The following GDPD4 variants were observed in gnomAD, a reference collection of about 807,000 sequenced individuals.
GDPD4 encodes glycerophosphodiester phosphodiesterase 6.
Under a neutral mutation model 67.8 loss-of-function variants are expected in GDPD4, and 60 were observed. The ratio of observed to expected loss-of-function variants is 0.88; its 90% CI spans 0.72 to 1.10. The LOEUF is 1.10. Among genes scored for constraint, GDPD4 ranks in the 50% least tolerant of loss-of-function variants. The pLI is 0.00. For synonymous variants in GDPD4, 212 were observed against 210.9 expected, an observed-to-expected ratio of 1.00 and a Z score of -0.04; for missense variants, 623 against 613.9, an observed-to-expected ratio of 1.01 and a Z score of -0.16.
At chr11:77,252,053 TGTTTTTTTTTTG>T (rs1958911613) in intron 11 of GDPD4, among the ~76,000 whole-genome samples, 1 of 135,730 alleles carries the variant, frequency 7.4e-6, no homozygotes, top group Non-Finnish European at 1.5e-5. Flanking sequence ...TTTGTTTGTT[TGTTTTTTTTTTG>T]TTTTTTTTTT....
intron 5 of GDPD4, 29 bp from the exon 6 acceptor site, chr11:77,271,422 C>T (rs1959223811): frequency 1.5e-6 from 2 of 1,360,670 alleles, no homozygotes; most frequent in African/African-American, 1.4e-5. Context: ...AATCTCCTGA[C>T]TTCAAGCACT....
intron 5 of GDPD4, among the ~76,000 whole-genome samples, chr11:77,273,062 T>C (rs1464904222): frequency 1.3e-5 from 2 of 152,166 alleles, no homozygotes; most frequent in African/African-American, 2.4e-5. Flanking sequence ...CCAACCTAAA[T>C]ATATCTAGGT....
At chr11:77,292,121 CA>C (rs3051013) in intron 1 of GDPD4, among the ~76,000 whole-genome samples, 31 of 149,274 alleles carry the variant, frequency 2.1e-4, no homozygotes, top group South Asian at 1.5e-3. Context: ...TGCAAAATGA[CA>C]AAAAAAAACC....
chr11:77,228,841 T>C (rs1958398097), intron 15 of GDPD4, among the ~76,000 whole-genome samples: 1 of 152,224 alleles, frequency 6.6e-6, no homozygotes, highest in African/African-American at 2.4e-5. Flanking sequence ...TCATGGAAGA[T>C]GGGAAGGTGG....
chr11:77,301,480 C>A (rs937441443), intron 1 of GDPD4, 125 bp downstream of exon 1: 2 of 152,194 alleles, frequency 1.3e-5, no homozygotes, highest in Non-Finnish European at 2.9e-5. Context: ...ACACAAACGA[C>A]CCGACAGAGT....
At chr11:77,244,545 A>G (rs1958742488) in intron 12 of GDPD4, among the ~76,000 whole-genome samples, 1 of 152,174 alleles carries the variant, frequency 6.6e-6, no homozygotes, top group Admixed American at 6.5e-5. Flanking sequence ...TGATGTTAAA[A>G]ATCATCTTTG....
At chr11:77,225,506 C>T (rs768427942) in intron 16 of GDPD4, among the ~76,000 whole-genome samples, 2 of 152,160 alleles carry the variant, frequency 1.3e-5, no homozygotes, top group Non-Finnish European at 2.9e-5. Context: ...CTCTCTCTCC[C>T]TCTCACATGC....
intron 11 of GDPD4, among the ~76,000 whole-genome samples, chr11:77,248,890 T>TTA (rs1491076253): frequency 6.4e-5 from 1 of 15,726 alleles, no homozygotes; most frequent in East Asian, 1.4e-3. Flanking sequence ...CCCGGCTAAT[T>TTA]TTTTTTTTTT....
chr11:77,255,994 T>A (rs1958997273), intron 11 of GDPD4, among the ~76,000 whole-genome samples: 3 of 152,230 alleles, frequency 2.0e-5, no homozygotes, highest in Admixed American at 1.3e-4. Context: ...GGTTCCCACA[T>A]GGTAGCTAAC....
In GDPD4 at chr11:77,269,911, C is replaced by T; in HGVS notation, c.450G>A (p.Lys150=). The T allele has an allele frequency of 6.3e-7, 1 of 1,589,724 alleles. No homozygotes were observed. The highest frequency in any genetic ancestry group is 1.3e-5 in the African/African-American group (1 of 74,324). Residue 150 remains lysine (K), a synonymous_variant, in exon 8 of 17, where the codon AAG becomes AAA. Coordinates refer to ENST00000315938, the MANE Select transcript of GDPD4 (RefSeq NM_182833.3). ...RMTHSEKKRL[K]QCNVITRLRG... ...TTAACCTTGTGATTACATTACATTG[C>T]TTGAGTCTTTTTTTCTCAGAATGTG...
chr11:77,260,880 A>C (rs1299368673), intron 10 of GDPD4, among the ~76,000 whole-genome samples: 1 of 152,244 alleles, frequency 6.6e-6, no homozygotes, highest in Admixed American at 6.5e-5. Flanking sequence ...AAGAAGACTG[A>C]AACAAAAAAG....
At chr11:77,220,925 G>A (rs1958212301) in intron 16 of GDPD4, among the ~76,000 whole-genome samples, 1 of 152,050 alleles carries the variant, frequency 6.6e-6, no homozygotes, top group African/African-American at 2.4e-5. Flanking sequence ...CTGAATTCGG[G>A]TGGGTAACCC....
rs267603201 is a variant in GDPD4 at position 77,229,203 on chromosome 11, G to A, written c.1419C>T (p.Leu473=). The change falls in exon 15 of 17, where the codon CTC becomes CTT. Residue 473 remains leucine, a synonymous_variant. Coordinates refer to ENST00000315938, the MANE Select transcript of GDPD4 (RefSeq NM_182833.3). Reference sequence around the variant, plus strand: ...AAAGCACAGAAATGATATCTGCAAGGAGCCACATGAACACATAGAACTTTG... The same window carrying A: ...AAAGCACAGAAATGATATCTGCAAGAAGCCACATGAACACATAGAACTTTG... ...MTPKFYVFMW[L]LADIISVLFI... 1 of 1,609,424 alleles carries A rather than the reference G, an allele frequency of 6.2e-7. No homozygotes were observed. Among genetic ancestry groups the A allele is most frequent in the Non-Finnish European group, 8.5e-7 (1 of 1,177,114 alleles).
At chr11:77,284,592 G>T (rs1005456188) in intron 3 of GDPD4, among the ~76,000 whole-genome samples, 2 of 152,190 alleles carry the variant, frequency 1.3e-5, no homozygotes, top group African/African-American at 4.8e-5. Context: ...ACATTCCAGA[G>T]TAGGAGTTTA....
intron 10 of GDPD4, among the ~76,000 whole-genome samples, chr11:77,263,437 G>GA (rs1159657664): frequency 1.3e-5 from 2 of 151,204 alleles, no homozygotes; most frequent in Non-Finnish European, 3.0e-5. Context: ...CACAACGACT[G>GA]AAAAAAAAGA....
chr11:77,274,859 G>A lies in GDPD4; in HGVS notation c.207+1302C>T, dbSNP rs180936815. ...AAAAAGTTGATCTCATGGAAGTAGAGAATAGAGTGATAGTTACCAAGGGCT... is the reference window on the plus strand; with the variant it reads ...AAAAAGTTGATCTCATGGAAGTAGAAAATAGAGTGATAGTTACCAAGGGCT... On this transcript the variant is annotated intron_variant, in intron 5 of 16. Transcript: ENST00000315938. Among the ~76,000 whole-genome samples, 926 of 152,262 alleles carry A rather than the reference G, an allele frequency of 6.1e-3. 12 individuals are homozygous for A. Among genetic ancestry groups the A allele is most frequent in the African/African-American group, 0.021 (891 of 41,544 alleles).
intron 1 of GDPD4, among the ~76,000 whole-genome samples, chr11:77,296,468 G>T (rs947535176): frequency 1.3e-5 from 2 of 150,506 alleles, no homozygotes; most frequent in South Asian, 4.2e-4. Context: ...TTACAAGCAC[G>T]CACCACTATG....
At chr11:77,268,615 G>T in intron 9 of GDPD4, 76 bp from the exon 10 acceptor site, 2 of 1,170,528 alleles carry the variant, frequency 1.7e-6, no homozygotes, top group Non-Finnish European at 2.6e-6. Context: ...TAGGGGTAGA[G>T]CCCAGTAGGA....
At chr11:77,232,443 T>C (rs918386424) in intron 14 of GDPD4, among the ~76,000 whole-genome samples, 1 of 152,234 alleles carries the variant, frequency 6.6e-6, no homozygotes, top group Non-Finnish European at 1.5e-5. Flanking sequence ...AGTGATAGGA[T>C]TTGGCTGGGA....
Sources: gnomAD v4.1 joint callset for allele counts (sites outside exome capture counted in the v4.1 genomes callset) on GRCh38, gnomAD v4.1.1 for gene constraint, MANE v1.5 for transcripts, NCBI Gene and HGNC (gene_info 2026-07-23, HGNC 2026-07-21) for gene names.